Variants in EXD1 observed in about 807,000 individuals in gnomAD.
The protein encoded by EXD1 is exonuclease 3'-5' domain containing 1, also known as piRNA biogenesis protein EXD1.
Under a neutral mutation model 49.1 loss-of-function variants are expected in EXD1, and 63 were observed. The ratio of observed to expected loss-of-function variants is 1.28; its 90% CI spans 1.05 to 1.58. EXD1 has a LOEUF of 1.58. Among genes scored for constraint, EXD1 ranks in the 40% most tolerant of loss-of-function variants. The pLI is 0.00. For synonymous variants in EXD1, 234 were observed against 239.2 expected (o/e 0.98, Z 0.20); for missense variants, 748 against 666.0 (o/e 1.12, Z -1.36).
At chr15:41,209,061 G>T (rs1056266848) in intron 7 of EXD1, among the ~76,000 whole-genome samples, 3 of 152,024 alleles carry the variant, frequency 2.0e-5, no homozygotes, top group African/African-American at 7.2e-5. Flanking sequence ...TGAGTACCAG[G>T]AGAAGGAAGA....
At chr15:41,213,633 G>T (rs1384425235) in intron 6 of EXD1, among the ~76,000 whole-genome samples, 2 of 151,848 alleles carry the variant, frequency 1.3e-5, no homozygotes, top group African/African-American at 4.8e-5. Context: ...CCAGTAACTG[G>T]GATTACAAGT....
intron 10 of EXD1, among the ~76,000 whole-genome samples, chr15:41,190,855 C>T (rs1273946217): frequency 1.3e-5 from 2 of 152,032 alleles, no homozygotes; most frequent in African/African-American, 4.8e-5. Flanking sequence ...ACAAAAATTT[C>T]CCCCTTGTCC....
chr15:41,184,138 C>T lies in EXD1; in HGVS notation c.1512G>A (p.Glu504=). ...TTTCCACCATCAATAACTGTTCTGT[C>T]TCCTCTTTCAAAGATAAACTTGCCT... ...EFQASLSLKE[E]TEQLLMVENK... is the part of the protein sequence containing the mutation. Residue 504 remains glutamate, a synonymous_variant, in exon 12 of 12, where the codon GAG becomes GAA. Transcript: ENST00000458580. 6.2e-7 allele frequency: 1 copy of T among 1,614,156 alleles called. No homozygotes were observed. The highest frequency in any genetic ancestry group is 8.5e-7 in the Non-Finnish European group (1 of 1,180,024).
rs370511565 is a variant in EXD1, at chr15:41,196,044, T to C, written c.535-7A>G. 1 of 1,605,620 alleles carries C rather than the reference T, an allele frequency of 6.2e-7. No homozygotes were observed. Among genetic ancestry groups the C allele is most frequent in the African/African-American group, 1.3e-5 (1 of 74,530 alleles). On this transcript the variant is annotated splice_region_variant and splice_polypyrimidine_tract_variant and intron_variant, in intron 7 of 11. Coordinates refer to ENST00000458580, the MANE Select transcript of EXD1 (RefSeq NM_001286441.2). ...CTCGGCAATTTGTGGCCACCTACAA[T>C]AGACCATCCAGACACACATACCATA...
At position 41,191,470 on chromosome 15, in the gene EXD1, A is replaced by G. The variant is rs751075526; in HGVS notation, c.836T>C (p.Phe279Ser). The G allele has an allele frequency of 3.7e-6, 6 of 1,611,950 alleles. No individual in the cohort carries two copies. The highest frequency in any genetic ancestry group is 5.1e-6 in the Non-Finnish European group (6 of 1,178,200). The change falls in exon 10 of 12, where the codon TTT becomes TCT. Residue 279 changes from phenylalanine (F) to serine (S), a missense_variant. Transcript: ENST00000458580. Reference sequence around the variant, plus strand: ...AATTAGTTTTTGTCTCTTTTCTAGAAAGGAGAGATATTTAGGGGCTACTTG... The same window carrying G: ...AATTAGTTTTTGTCTCTTTTCTAGAGAGGAGAGATATTTAGGGGCTACTTG... ...HLQVAPKYLS[F>S]LEKRQKLIQE...
intron 11 of EXD1, among the ~76,000 whole-genome samples, chr15:41,186,573 A>G (rs989061218): frequency 2.0e-5 from 3 of 151,930 alleles, no homozygotes; most frequent in African/African-American, 7.2e-5. Flanking sequence ...ACAATGCAAT[A>G]TAACAACTAT....
intron 3 of EXD1, among the ~76,000 whole-genome samples, chr15:41,218,521 A>G (rs2047038403): frequency 6.6e-6 from 1 of 151,068 alleles, no homozygotes; most frequent in Non-Finnish European, 1.5e-5. Context: ...AACGAAGGCC[A>G]AACCCTGGAG....
chr15:41,222,705 G>A (rs1329481354), intron 2 of EXD1, among the ~76,000 whole-genome samples: 3 of 147,882 alleles, frequency 2.0e-5, no homozygotes, highest in African/African-American at 5.0e-5. Flanking sequence ...TTGGGAGGCT[G>A]AGGCGGAAGG....
At chr15:41,202,096 T>G (rs914726411) in intron 7 of EXD1, among the ~76,000 whole-genome samples, 5 of 151,964 alleles carry the variant, frequency 3.3e-5, no homozygotes, top group African/African-American at 1.2e-4. Flanking sequence ...AGCTGAACTA[T>G]GTTATAGCTA....
At chr15:41,190,649 A>G (rs2046499099) in intron 10 of EXD1, among the ~76,000 whole-genome samples, 1 of 152,202 alleles carries the variant, frequency 6.6e-6, no homozygotes, top group Admixed American at 6.6e-5. Flanking sequence ...TAACAGAGAA[A>G]GAGAGGGGTA....
chr15:41,211,711 G>A (rs554346292), intron 6 of EXD1, among the ~76,000 whole-genome samples: 5 of 150,770 alleles, frequency 3.3e-5, no homozygotes, highest in Admixed American at 6.6e-5. Flanking sequence ...TGTAATCCCA[G>A]TACTTTGGGA....
intron 7 of EXD1, 95 bp downstream of exon 7, chr15:41,209,406 T>C: frequency 1.9e-6 from 2 of 1,029,322 alleles, no homozygotes; most frequent in Non-Finnish European, 2.9e-6. Flanking sequence ...TGAGATCCCA[T>C]CTCTAAAATA....
intron 7 of EXD1, among the ~76,000 whole-genome samples, chr15:41,200,876 T>C (rs2046717738): frequency 6.8e-6 from 1 of 147,270 alleles, no homozygotes; most frequent in Non-Finnish European, 1.5e-5. Flanking sequence ...GACAGAATGT[T>C]CTATTTTTTT....
intron 2 of EXD1, among the ~76,000 whole-genome samples, chr15:41,220,263 G>A (rs1319534776): frequency 6.6e-6 from 1 of 151,684 alleles, no homozygotes; most frequent in African/African-American, 2.4e-5. Context: ...AAATTTAAGG[G>A]CAGCCTGCAA....
chr15:41,217,391 G>A (rs1362722814), intron 3 of EXD1, among the ~76,000 whole-genome samples: 3 of 152,122 alleles, frequency 2.0e-5, no homozygotes, highest in Non-Finnish European at 4.4e-5. Context: ...GAAGGATTAG[G>A]AACATTTCTA....
chr15:41,189,991 A>G lies in EXD1; in HGVS notation c.1002T>C (p.Asp334=), dbSNP rs750912111. 7 of 1,614,118 alleles carry G rather than the reference A, an allele frequency of 4.3e-6. No homozygotes were observed. Among genetic ancestry groups the G allele is most frequent in the Non-Finnish European group, 5.9e-6 (7 of 1,180,022 alleles). The change falls in exon 11 of 12, where the codon GAT becomes GAC. Residue 334 remains aspartate (D), a synonymous_variant. Coordinates refer to ENST00000458580, the MANE Select transcript of EXD1 (RefSeq NM_001286441.2). ...EMMSDLTTLV[D]GYLNTYREGS... ...CTTCGCGATACGTGTTTAGGTAACC[A>G]TCCACCAGGGTGGTTAGGTCAGACA...
rs1420886803 is a variant in EXD1, at chr15:41,183,438, A to G, written c.*493T>C. ...ACTCTGGGCACACTGCCTATGGTGT[A>G]GCCCTGCTCCACAAGGAGCGGTAAA... On this transcript the variant is annotated 3_prime_UTR_variant, in exon 12 of 12. Transcript: ENST00000458580. 1 of 152,486 alleles carries G rather than the reference A, an allele frequency of 6.6e-6. No individual in the cohort carries two copies. Among genetic ancestry groups the G allele is most frequent in the African/African-American group, 2.4e-5 (1 of 41,418 alleles). The allele number at this position is 152,486 out of a possible 1,614,324, so 9.4% of individuals were successfully genotyped here. A position where few individuals can be genotyped will look rare whatever the true frequency, so the allele number is the denominator to read the frequency against.
At chr15:41,229,419 G>A (rs917713013) in intron 1 of EXD1, among the ~76,000 whole-genome samples, 1 of 152,038 alleles carries the variant, frequency 6.6e-6, no homozygotes, top group Non-Finnish European at 1.5e-5. Context: ...AGGTTGCAGT[G>A]AGCCGAAAAT....
In EXD1 at chr15:41,226,554, G is replaced by A. The variant is rs1039863430; in HGVS notation, c.22C>T (p.His8Tyr). ...TTCCACAAAATCTGGCTGAGGAAAT[G>A]GTAGTCACTGCTGGGGTCCATGCTA... Reference protein sequence around the residue: MDPSSDYHFLSQILWKRV... With the variant: MDPSSDYYFLSQILWKRV... Residue 8 changes from histidine (H) to tyrosine (Y), a missense_variant, in exon 2 of 12, where the codon CAT becomes TAT. Transcript: ENST00000458580. The A allele has an allele frequency of 1.3e-6, 2 of 1,535,904 alleles. No individual in the cohort carries two copies. The highest frequency in any genetic ancestry group is 2.7e-5 in the African/African-American group (2 of 73,040).
Sources: allele counts gnomAD v4.1 joint callset (sites outside exome capture counted in the v4.1 genomes callset), GRCh38; gene constraint gnomAD v4.1.1; transcripts MANE v1.5; gene names NCBI Gene and HGNC (gene_info 2026-07-23, HGNC 2026-07-21).